Variants in SPATA16 observed in about 807,000 individuals in gnomAD.
SPATA16 encodes the protein spermatogenesis associated 16.
SPATA16 carries 36 observed loss-of-function variants against 63.3 expected under a neutral mutation model. That is an observed-to-expected ratio of 0.57 (90% CI 0.44 to 0.75). The LOEUF is 0.75. Ranked by LOEUF, SPATA16 falls within the 30% of genes least tolerant of loss-of-function variation. SPATA16 has a pLI of 0.00. For synonymous variants in SPATA16, 203 were observed against 216.7 expected (o/e 0.94, Z 0.56); for missense variants, 646 against 679.3 (o/e 0.95, Z 0.54).
chr3:173,053,941 ATTTC>A lies in SPATA16; in HGVS notation c.613-4851_613-4848del, dbSNP rs1358614010. 3.3e-5 allele frequency among the ~76,000 whole-genome samples: 5 copies of A among 152,116 alleles called. No homozygotes were observed. The East Asian group carries it at 9.6e-4, about 29-fold the overall frequency. ...TATAATTGCCATTAACTTTTGCCATATTTCTTTCTATACGTTTTGCATTTTTGTA... is the reference window on the plus strand; with the variant it reads ...TATAATTGCCATTAACTTTTGCCATATTTCTATACGTTTTGCATTTTTGTA... On this transcript the variant is annotated intron_variant, in intron 2 of 10. Transcript: ENST00000351008.
At chr3:173,104,343 A>G (rs1163404940) in intron 2 of SPATA16, among the ~76,000 whole-genome samples, 6 of 152,184 alleles carry the variant, frequency 3.9e-5, no homozygotes, top group Non-Finnish European at 8.8e-5. Context: ...CCGACTCCTC[A>G]GTACCAGTTT....
Position 172,913,642 on chromosome 3 carries a change from C to A in SPATA16, c.1587+19G>T. The A allele has an allele frequency of 6.2e-7, 1 of 1,609,622 alleles. No individual in the cohort carries two copies. Among genetic ancestry groups the A allele is most frequent in the Non-Finnish European group, 8.5e-7 (1 of 1,176,378 alleles). On this transcript the variant is annotated intron_variant, in intron 10 of 10. Transcript: ENST00000351008. Reference sequence around the variant, plus strand: ...TCTTTGAGAATAATAGATCTTTTTCCTTCAGCTCAAAGTTTTACCTTTTGG... The same window carrying A: ...TCTTTGAGAATAATAGATCTTTTTCATTCAGCTCAAAGTTTTACCTTTTGG...
chr3:173,000,542 T>C (rs926034598), intron 4 of SPATA16, among the ~76,000 whole-genome samples: 12 of 152,190 alleles, frequency 7.9e-5, no homozygotes, highest in African/African-American at 2.4e-4. Flanking sequence ...TTTATTTTGC[T>C]GTTCTCTGAA....
In SPATA16 at chr3:172,889,501, G is replaced by A; in HGVS notation, c.*69C>T. 1 of 1,604,480 alleles carries A rather than the reference G, an allele frequency of 6.2e-7. No individual in the cohort carries two copies. The highest frequency in any genetic ancestry group is 2.2e-5 in the East Asian group (1 of 44,820). On this transcript the variant is annotated 3_prime_UTR_variant, in exon 11 of 11. Transcript: ENST00000351008. ...GTTATCCAGCTTCACAGTACTAGGT[G>A]GGCATTGGAGTGGATGCCCTTGCCT...
chr3:173,011,025 A>G (rs1337815308), intron 4 of SPATA16, among the ~76,000 whole-genome samples: 2 of 151,426 alleles, frequency 1.3e-5, no homozygotes, highest in South Asian at 2.1e-4. Context: ...GAGCTGGAGC[A>G]ATACTACTAA....
At chr3:173,124,733 C>G (rs968588456) in intron 1 of SPATA16, among the ~76,000 whole-genome samples, 4 of 152,166 alleles carry the variant, frequency 2.6e-5, no homozygotes, top group African/African-American at 9.7e-5. Flanking sequence ...TAATGGAACA[C>G]TTTCTTCTCA....
chr3:173,014,667 C>A (rs1382306292), intron 4 of SPATA16, among the ~76,000 whole-genome samples: 1 of 152,136 alleles, frequency 6.6e-6, no homozygotes, highest in Non-Finnish European at 1.5e-5. Context: ...CTTGAAGATT[C>A]AAAAAATCTG....
At chr3:172,966,161 GA>G (rs567981128) in intron 5 of SPATA16, among the ~76,000 whole-genome samples, 2 of 151,944 alleles carry the variant, frequency 1.3e-5, no homozygotes, top group Non-Finnish European at 2.9e-5. Flanking sequence ...TTTGTGACAA[GA>G]AAAAAATCAC....
At chr3:173,016,724 A>C (rs371985503) in intron 4 of SPATA16, among the ~76,000 whole-genome samples, 1 of 152,160 alleles carries the variant, frequency 6.6e-6, no homozygotes, top group African/African-American at 2.4e-5. Flanking sequence ...GATAAACATA[A>C]ATGCTGTAAG....
chr3:172,953,742 T>A (rs989353448), intron 6 of SPATA16, among the ~76,000 whole-genome samples: 35 of 152,274 alleles, frequency 2.3e-4, no homozygotes, highest in African/African-American at 7.7e-4. Flanking sequence ...ACTGACCCTT[T>A]TGGACACAGG....
chr3:172,907,016 T>C (rs992190778), intron 10 of SPATA16, among the ~76,000 whole-genome samples: 9 of 152,182 alleles, frequency 5.9e-5, no homozygotes, highest in African/African-American at 2.2e-4. Context: ...GTAAAGTAAA[T>C]AGGAGAGTTT....
intron 6 of SPATA16, among the ~76,000 whole-genome samples, chr3:172,952,864 C>T (rs903342778): frequency 9.0e-5 from 13 of 143,982 alleles, no homozygotes; most frequent in African/African-American, 2.3e-4. Context: ...CGCTTGAACC[C>T]GGGAGGTGGA....
chr3:173,139,409 G>A (rs916842759), intron 1 of SPATA16, among the ~76,000 whole-genome samples: 7 of 152,122 alleles, frequency 4.6e-5, no homozygotes, highest in African/African-American at 7.2e-5. Context: ...CAAGCTCTTC[G>A]TGAGTGCAAA....
chr3:173,139,679 A>G (rs963562206), intron 1 of SPATA16, among the ~76,000 whole-genome samples: 1 of 152,184 alleles, frequency 6.6e-6, no homozygotes, highest in Non-Finnish European at 1.5e-5. Flanking sequence ...AGCTTCAGTC[A>G]CTGTGTGTCT....
At chr3:173,016,820 C>G (rs1735200500) in intron 4 of SPATA16, among the ~76,000 whole-genome samples, 2 of 152,204 alleles carry the variant, frequency 1.3e-5, no homozygotes, top group East Asian at 3.9e-4. Flanking sequence ...TTGAGACCAG[C>G]CTGGCCAACA....
intron 2 of SPATA16, among the ~76,000 whole-genome samples, chr3:173,062,123 T>C (rs7631247): frequency 0.2 from 29,737 of 150,108 alleles, 3,571 homozygotes; most frequent in African/African-American, 0.34. Context: ...CACTGTTTTT[T>C]ACCTTGATCT....
intron 3 of SPATA16, among the ~76,000 whole-genome samples, chr3:173,030,094 CTAT>C (rs1735567664): frequency 6.7e-6 from 1 of 149,018 alleles, no homozygotes; most frequent in South Asian, 2.1e-4. Flanking sequence ...ATCTATCTAT[CTAT>C]CTATCTACCC....
At position 173,017,609 on chromosome 3, in the gene SPATA16, C is replaced by G. The variant is rs1229429585; in HGVS notation, c.848+1877G>C. ...GCTTCTCCCAGCATTGCTAATTTCT[C>G]CTACAGTTTAGCAACTAGCTCGCTC... On this transcript the variant is annotated intron_variant, in intron 4 of 10. Transcript: ENST00000351008. Among the ~76,000 whole-genome samples, 3 of 152,174 alleles carry G rather than the reference C, an allele frequency of 2.0e-5. No homozygotes were observed. The East Asian group carries it at 5.8e-4, about 29-fold the overall frequency.
chr3:173,081,052 C>G (rs1283081248), intron 2 of SPATA16, among the ~76,000 whole-genome samples: 1 of 152,142 alleles, frequency 6.6e-6, no homozygotes, highest in African/African-American at 2.4e-5. Flanking sequence ...GATGGCCTGT[C>G]TCTCCCTGGG....
Sources: allele counts gnomAD v4.1 joint callset (sites outside exome capture counted in the v4.1 genomes callset), GRCh38; gene constraint gnomAD v4.1.1; transcripts MANE v1.5; gene names NCBI Gene and HGNC (gene_info 2026-07-23, HGNC 2026-07-21).